BPIFC: variants seen among roughly 807,000 people sequenced by gnomAD.
BPIFC encodes the protein BPI fold-containing family C protein.
BPIFC carries 60 observed loss-of-function variants against 57.6 expected under a neutral mutation model. That is an observed-to-expected ratio of 1.04 (90% CI 0.85 to 1.29). The LOEUF is 1.29. Among genes scored for constraint, BPIFC ranks in the 50% most tolerant of loss-of-function variants. The pLI, the probability that BPIFC is intolerant of heterozygous loss-of-function variation, is 0.00. For missense variants in BPIFC, 581 were observed against 600.5 expected, an observed-to-expected ratio of 0.97 and a Z score of 0.34; for synonymous variants, 243 against 224.5, an observed-to-expected ratio of 1.08 and a Z score of -0.74.
At chr22:32,458,684 T>C (rs977017696) in intron 2 of BPIFC, among the ~76,000 whole-genome samples, 11 of 152,238 alleles carry the variant, frequency 7.2e-5, no homozygotes, top group Non-Finnish European at 1.2e-4. Flanking sequence ...TTGGGCCATG[T>C]GTGCCTTATG....
chr22:32,417,168 A>G lies in BPIFC; in HGVS notation c.1261-20T>C, dbSNP rs529974562. ...CAAGACCTAAAATAAAAGAGGAAATAGAATCAATTGGCAGATCGGGCTTTT... is the reference window on the plus strand; with the variant it reads ...CAAGACCTAAAATAAAAGAGGAAATGGAATCAATTGGCAGATCGGGCTTTT... On this transcript the variant is annotated intron_variant, in intron 14 of 16. Coordinates refer to ENST00000300399, the MANE Select transcript of BPIFC (RefSeq NM_174932.3). The G allele has an allele frequency of 1.3e-6, 2 of 1,521,740 alleles. No homozygotes were observed. Among genetic ancestry groups the G allele is most frequent in the Middle Eastern group, 1.7e-4 (1 of 5,840 alleles). 94.3% of individuals were successfully genotyped at this position (1,521,740 alleles called of 1,614,324 possible). A position where few individuals can be genotyped will look rare whatever the true frequency, so the allele number is the denominator to read the frequency against.
intron 3 of BPIFC, among the ~76,000 whole-genome samples, chr22:32,454,452 C>T (rs1294393421): frequency 6.6e-6 from 1 of 152,142 alleles, no homozygotes; most frequent in Non-Finnish European, 1.5e-5. Context: ...TTTGTTTCAT[C>T]CTGGAATAAC....
chr22:32,439,260 G>C (rs535543964), intron 8 of BPIFC, among the ~76,000 whole-genome samples: 1 of 152,088 alleles, frequency 6.6e-6, no homozygotes, highest in Non-Finnish European at 1.5e-5. Context: ...AGGAGGCGCA[G>C]GTTGCGGTGA....
At chr22:32,436,005 C>T (rs1934383393) in intron 9 of BPIFC, 125 bp from the exon 10 acceptor site, 3 of 1,077,652 alleles carry the variant, frequency 2.8e-6, no homozygotes, top group African/African-American at 3.2e-5. Context: ...TGTGGTGGCT[C>T]ACGCCTATAA....
chr22:32,414,497 G>C, intron 16 of BPIFC, 72 bp from the exon 17 acceptor site: 2 of 1,531,416 alleles, frequency 1.3e-6, no homozygotes, highest in Non-Finnish European at 1.8e-6. Context: ...GCGTGAGGAA[G>C]AGATGGCTTC....
At chr22:32,453,319 A>T in intron 4 of BPIFC, 64 bp downstream of exon 4, 1 of 1,179,850 alleles carries the variant, frequency 8.5e-7, no homozygotes, top group Non-Finnish European at 1.2e-6. Context: ...GGGCTTCCAT[A>T]GAATTCCTCC....
intron 13 of BPIFC, among the ~76,000 whole-genome samples, chr22:32,428,427 C>T (rs1188667732): frequency 6.6e-6 from 1 of 151,900 alleles, no homozygotes; most frequent in Non-Finnish European, 1.5e-5. Context: ...TGCCACCCTG[C>T]CCGGCCTCTC....
chr22:32,439,645 T>C (rs1228720437), intron 8 of BPIFC, among the ~76,000 whole-genome samples: 1 of 152,016 alleles, frequency 6.6e-6, no homozygotes, highest in Non-Finnish European at 1.5e-5. Context: ...GACAGAGTCT[T>C]GCTCTGTCAC....
At chr22:32,427,183 T>C (rs531647064) in intron 13 of BPIFC, among the ~76,000 whole-genome samples, 1 of 152,170 alleles carries the variant, frequency 6.6e-6, no homozygotes, top group African/African-American at 2.4e-5. Context: ...TGATGTAAAT[T>C]TATCGGCTTA....
intron 10 of BPIFC, 86 bp from the exon 11 acceptor site, chr22:32,433,858 C>T (rs573682009): frequency 1.1e-4 from 132 of 1,181,660 alleles, no homozygotes; most frequent in East Asian, 1.1e-3. Context: ...TATAATTTGA[C>T]GAATTGTGAA....
intron 8 of BPIFC, among the ~76,000 whole-genome samples, chr22:32,441,517 A>AGTGCAAAGTGAGAGAGAGAT (rs1934564000): frequency 6.6e-6 from 1 of 152,154 alleles, no homozygotes; most frequent in South Asian, 2.1e-4. Context: ...GAATGGATGG[A>AGTGCAAAGTGAGAGAGAGAT]GTGCAAAGTG....
chr22:32,439,383 A>C (rs765736046), intron 8 of BPIFC, among the ~76,000 whole-genome samples: 1 of 151,900 alleles, frequency 6.6e-6, no homozygotes, highest in Non-Finnish European at 1.5e-5. Context: ...TTGTATGTGC[A>C]GTGACTCAGG....
In BPIFC at chr22:32,461,662, C is replaced by G; in HGVS notation, c.-88-1G>C. ...GCCCTTGGAGGTTAGTCAAGGTGTC[C>G]TGGAAAGGGGGATAAGTAGAGATGA... is the stretch of plus-strand genomic sequence containing the variant. On this transcript the variant is annotated splice_acceptor_variant, in intron 1 of 16. Coordinates refer to ENST00000300399, the MANE Select transcript of BPIFC (RefSeq NM_174932.3). LOFTEE classifies it low-confidence loss of function (5UTR_SPLICE). The G allele has an allele frequency of 1.0e-6, 1 of 985,310 alleles. No individual in the cohort carries two copies. Among genetic ancestry groups the G allele is most frequent in the Non-Finnish European group, 1.2e-6 (1 of 829,900 alleles). 61.0% of individuals were successfully genotyped at this position (985,310 alleles called of 1,614,324 possible).
chr22:32,438,946 T>C (rs1934485525), intron 8 of BPIFC, among the ~76,000 whole-genome samples: 1 of 152,188 alleles, frequency 6.6e-6, no homozygotes, highest in Admixed American at 6.5e-5. Flanking sequence ...ACAGTGCTGC[T>C]AATCCAAATA....
At chr22:32,446,748 C>T (rs1240247604) in intron 5 of BPIFC, 57 of 985,122 alleles carry the variant, frequency 5.8e-5, no homozygotes, top group Non-Finnish European at 6.6e-5. Context: ...CTGATTTCCT[C>T]CTTCTACACG....
chr22:32,456,397 C>T (rs971084306), intron 3 of BPIFC, among the ~76,000 whole-genome samples: 3 of 151,544 alleles, frequency 2.0e-5, no homozygotes, highest in Non-Finnish European at 4.4e-5. Context: ...CTCTCCCTCC[C>T]TCCCTCCTTC....
At chr22:32,419,319 C>A in intron 14 of BPIFC, 43 bp downstream of exon 14, 2 of 1,575,924 alleles carry the variant, frequency 1.3e-6, no homozygotes, top group South Asian at 1.1e-5. Context: ...GGAGAATCCT[C>A]GTTCTTCCAG....
At chr22:32,445,734 A>AAC (rs1470930501) in intron 6 of BPIFC, 36 bp from the exon 7 acceptor site, 1 of 1,531,740 alleles carries the variant, frequency 6.5e-7, no homozygotes, top group Admixed American at 2.2e-5. Flanking sequence ...AAAAAAAAAA[A>AAC]AGAGGTTACT....
chr22:32,416,630 G>A (rs1040192368), intron 15 of BPIFC, among the ~76,000 whole-genome samples: 1 of 152,180 alleles, frequency 6.6e-6, no homozygotes, highest in East Asian at 1.9e-4. Context: ...TACTGGGCCA[G>A]ACTCCAGATG....
Sources: gnomAD v4.1 joint callset for allele counts (sites outside exome capture counted in the v4.1 genomes callset) on GRCh38, gnomAD v4.1.1 for gene constraint, MANE v1.5 for transcripts, NCBI Gene and HGNC (gene_info 2026-07-23, HGNC 2026-07-21) for gene names.